SCHIP1: variants seen among roughly 807,000 people sequenced by gnomAD.
SCHIP1 encodes schwannomin-interacting protein 1.
Under a neutral mutation model 29.7 loss-of-function variants are expected in SCHIP1, and 8 were observed. That is an observed-to-expected ratio of 0.27 (90% CI 0.16 to 0.49). The LOEUF (loss-of-function observed/expected upper bound fraction) is 0.49. SCHIP1 is among the 20% of genes least tolerant of loss of function. The pLI is 0.99. For synonymous variants in SCHIP1, 76 were observed against 94.9 expected, an observed-to-expected ratio of 0.80 and a Z score of 1.16; for missense variants, 193 against 294.6, an observed-to-expected ratio of 0.66 and a Z score of 2.52.
chr3:159,790,510 C>T, the SCHIP1 span, among the ~76,000 whole-genome samples: 2 of 152,128 alleles, frequency 1.3e-5, no homozygotes, highest in African/African-American at 4.8e-5. Flanking sequence ...TATGGTGAAA[C>T]CCCATCTCTA....
At chr3:159,536,195 T>C in the SCHIP1 span, among the ~76,000 whole-genome samples, 1 of 152,002 alleles carries the variant, frequency 6.6e-6, no homozygotes, top group Non-Finnish European at 1.5e-5. Context: ...AACTAGCAAG[T>C]TTTTCACAGA....
At chr3:159,562,033 A>C in the SCHIP1 span, among the ~76,000 whole-genome samples, 1 of 152,212 alleles carries the variant, frequency 6.6e-6, no homozygotes, top group Non-Finnish European at 1.5e-5. Context: ...AAGGATATAC[A>C]AGTGCTTTCC....
the SCHIP1 span, among the ~76,000 whole-genome samples, chr3:159,457,744 A>G: frequency 6.6e-6 from 1 of 152,168 alleles, no homozygotes; most frequent in African/African-American, 2.4e-5. Flanking sequence ...CGTATATACT[A>G]TGTTATTTCA....
the SCHIP1 span, among the ~76,000 whole-genome samples, chr3:159,518,102 C>A: frequency 6.7e-3 from 1,017 of 152,128 alleles, 3 homozygotes; most frequent in Middle Eastern, 0.027. Flanking sequence ...TTTTCAAAAA[C>A]ATTTTTGGGC....
chr3:159,665,691 C>T, the SCHIP1 span, among the ~76,000 whole-genome samples: 5 of 152,068 alleles, frequency 3.3e-5, no homozygotes, highest in Non-Finnish European at 4.4e-5. Flanking sequence ...CCCACACATG[C>T]AAGCACCCCA....
At chr3:159,284,220 T>A in the SCHIP1 span, among the ~76,000 whole-genome samples, 2 of 152,322 alleles carry the variant, frequency 1.3e-5, no homozygotes, top group South Asian at 4.1e-4. Context: ...ATTTCTTCCA[T>A]GGTTATTAGA....
the SCHIP1 span, among the ~76,000 whole-genome samples, chr3:159,411,779 T>C: frequency 3.3e-5 from 5 of 152,192 alleles, no homozygotes; most frequent in South Asian, 8.3e-4. Context: ...CTTGCAACAG[T>C]GATCAAAATT....
At chr3:159,862,448 A>G (rs1353793450) in intron 1 of SCHIP1, among the ~76,000 whole-genome samples, 2 of 152,204 alleles carry the variant, frequency 1.3e-5, no homozygotes, top group Non-Finnish European at 2.9e-5. Flanking sequence ...GACTTACATT[A>G]CCACAGGTCA....
the SCHIP1 span, among the ~76,000 whole-genome samples, chr3:159,560,905 C>A: frequency 1.3e-5 from 2 of 152,194 alleles, no homozygotes; most frequent in Non-Finnish European, 2.9e-5. Flanking sequence ...AATCTTGTAA[C>A]ATTCCATCAG....
At chr3:159,716,403 T>C in the SCHIP1 span, among the ~76,000 whole-genome samples, 4 of 152,198 alleles carry the variant, frequency 2.6e-5, no homozygotes, top group African/African-American at 7.2e-5. Context: ...CATAACAATA[T>C]TAGCCTTAAA....
the SCHIP1 span, among the ~76,000 whole-genome samples, chr3:159,452,689 T>A: frequency 2.6e-5 from 4 of 152,268 alleles, no homozygotes; most frequent in Admixed American, 2.6e-4. Flanking sequence ...CTAGGTCAAA[T>A]GGTATTTCTG....
At chr3:159,287,427 T>G in the SCHIP1 span, among the ~76,000 whole-genome samples, 1 of 151,994 alleles carries the variant, frequency 6.6e-6, no homozygotes, top group South Asian at 2.1e-4. Flanking sequence ...CTGTTGACTC[T>G]TCATGATTCA....
chr3:159,688,059 G>A, the SCHIP1 span, among the ~76,000 whole-genome samples: 1 of 152,090 alleles, frequency 6.6e-6, no homozygotes, highest in Non-Finnish European at 1.5e-5. Flanking sequence ...TGCAGTAAAT[G>A]TATGTGTGTA....
At chr3:159,458,611 G>C in the SCHIP1 span, among the ~76,000 whole-genome samples, 1 of 150,826 alleles carries the variant, frequency 6.6e-6, no homozygotes, top group Non-Finnish European at 1.5e-5. Flanking sequence ...GGTTGTAATA[G>C]CTCCTTGTAA....
At chr3:159,511,370 G>A in the SCHIP1 span, among the ~76,000 whole-genome samples, 60 of 152,282 alleles carry the variant, frequency 3.9e-4, no homozygotes, top group Non-Finnish European at 5.9e-4. Context: ...TTCTGTCACC[G>A]CTTTGCTTGG....
chr3:159,805,848 A>C, the SCHIP1 span, among the ~76,000 whole-genome samples: 13 of 139,744 alleles, frequency 9.3e-5, no homozygotes, highest in Non-Finnish European at 1.7e-4. Context: ...TCGCTCTGTC[A>C]CCCAGGCTGG....
chr3:159,879,255 T>G (rs1298641073), intron 2 of SCHIP1, among the ~76,000 whole-genome samples: 1 of 152,132 alleles, frequency 6.6e-6, no homozygotes, highest in Non-Finnish European at 1.5e-5. Flanking sequence ...GTTTTGTTTT[T>G]GTTTTGCTTT....
At chr3:159,565,767 CA>C in the SCHIP1 span, among the ~76,000 whole-genome samples, 1 of 152,062 alleles carries the variant, frequency 6.6e-6, no homozygotes, top group East Asian at 1.9e-4. Context: ...AGGCTTTAAA[CA>C]AAGTAGAATA....
the SCHIP1 span, among the ~76,000 whole-genome samples, chr3:159,392,905 A>G: frequency 1.3e-5 from 2 of 152,102 alleles, no homozygotes; most frequent in African/African-American, 4.8e-5. Flanking sequence ...TCCACAATGG[A>G]TGAACTAGTT....
Sources: gnomAD v4.1 joint callset for allele counts (sites outside exome capture counted in the v4.1 genomes callset) on GRCh38, gnomAD v4.1.1 for gene constraint, MANE v1.5 for transcripts, NCBI Gene and HGNC (gene_info 2026-07-23, HGNC 2026-07-21) for gene names.